Variants in ERICH5 observed in about 807,000 individuals in gnomAD.
The protein encoded by ERICH5 is glutamate rich 5.
A neutral mutation model predicts 28.0 loss-of-function variants in ERICH5; 24 were observed. That is an observed-to-expected ratio of 0.86 (90% CI 0.62 to 1.21). The LOEUF is 1.21. Among genes scored for constraint, ERICH5 ranks in the 50% most tolerant of loss-of-function variants. The pLI is 0.00. For missense variants in ERICH5, 421 were observed against 441.2 expected (o/e 0.95, Z 0.41); for synonymous variants, 163 against 157.6 (o/e 1.03, Z -0.25).
intron 1 of ERICH5, among the ~76,000 whole-genome samples, chr8:98,071,915 ATTT>A (rs5893447): frequency 6.8e-6 from 1 of 146,750 alleles, no homozygotes; most frequent in Non-Finnish European, 1.5e-5. Flanking sequence ...GTTTTATTTT[ATTT>A]TTTTTTTTTG....
chr8:98,067,454 T>C (rs1188453706), intron 1 of ERICH5, among the ~76,000 whole-genome samples: 3 of 144,544 alleles, frequency 2.1e-5, no homozygotes, highest in Non-Finnish European at 4.5e-5. Context: ...TGAGACTCAA[T>C]TAAAAAAAAA....
intron 1 of ERICH5, among the ~76,000 whole-genome samples, chr8:98,075,663 A>G (rs548120302): frequency 1.3e-5 from 2 of 152,220 alleles, no homozygotes; most frequent in South Asian, 2.1e-4. Context: ...CAGGGTGCAC[A>G]GAGCCCCCAC....
intron 1 of ERICH5, among the ~76,000 whole-genome samples, chr8:98,075,042 C>T (rs965437267): frequency 6.6e-6 from 1 of 152,050 alleles, no homozygotes; most frequent in African/African-American, 2.4e-5. Flanking sequence ...GATTCCTCAA[C>T]TGGAATTTGT....
chr8:98,083,868 C>T (rs1008498528), intron 1 of ERICH5, among the ~76,000 whole-genome samples: 4 of 152,052 alleles, frequency 2.6e-5, no homozygotes, highest in African/African-American at 9.7e-5. Context: ...ATCCATCTAT[C>T]CCTCTTCCCA....
intron 1 of ERICH5, among the ~76,000 whole-genome samples, chr8:98,083,409 T>C (rs745394834): frequency 2.0e-5 from 3 of 152,172 alleles, no homozygotes; most frequent in Non-Finnish European, 2.9e-5. Context: ...TTACTTGCAA[T>C]TAATTTGAAG....
chr8:98,089,472 T>C lies in ERICH5; in HGVS notation c.455T>C (p.Leu152Ser). ...SLKGNAEAQP[L>S]GPEAKGQPLQ... ...AAAGGAAATGCTGAAGCTCAGCCTT[T>C]AGGACCAGAAGCCAAGGGTCAGCCT... Residue 152 changes from leucine (L) to serine (S), a missense_variant, in exon 2 of 3, where the codon TTA becomes TCA. By Grantham distance (145) the Leu-to-Ser change is moderately radical. Coordinates refer to ENST00000318528, the MANE Select transcript of ERICH5 (RefSeq NM_173549.3). 2 of 1,614,198 alleles carry C rather than the reference T, an allele frequency of 1.2e-6. No homozygotes were observed. Among genetic ancestry groups the C allele is most frequent in the Non-Finnish European group, 1.7e-6 (2 of 1,180,036 alleles).
chr8:98,086,905 C>G (rs188590421), intron 1 of ERICH5, among the ~76,000 whole-genome samples: 3 of 148,160 alleles, frequency 2.0e-5, no homozygotes, highest in African/African-American at 7.5e-5. Context: ...GAGCCGAGAT[C>G]GCGCCACCAC....
intron 1 of ERICH5, among the ~76,000 whole-genome samples, chr8:98,084,747 C>A (rs866686125): frequency 1.3e-5 from 2 of 151,980 alleles, no homozygotes; most frequent in South Asian, 4.2e-4. Flanking sequence ...TTTTAGTTAT[C>A]TTTTATTTTT....
intron 1 of ERICH5, among the ~76,000 whole-genome samples, chr8:98,079,166 C>CTTTTTTTTTTTTT (rs528062932): frequency 5.3e-5 from 4 of 75,572 alleles, no homozygotes; most frequent in East Asian, 3.3e-4. Flanking sequence ...TTTTTTTTTC[C>CTTTTTTTTTTTTT]TTTTTTTTTT....
chr8:98,089,427 G>A lies in ERICH5; in HGVS notation c.410G>A (p.Gly137Glu), dbSNP rs752928685. Residue 137 changes from glycine (G) to glutamate (E), a missense_variant, in exon 2 of 3, where the codon GGG becomes GAG. Coordinates refer to ENST00000318528, the MANE Select transcript of ERICH5 (RefSeq NM_173549.3). ...AEGKKKDAGA[G>E]TEAESLKGNA... ...GGAAAGAAGAAAGATGCAGGAGCAG[G>A]GACAGAGGCCGAGTCTCTAAAAGGA... 2.2e-5 allele frequency: 35 copies of A among 1,614,108 alleles called. No individual in the cohort carries two copies. In the South Asian group the frequency reaches 3.4e-4, roughly 16 times the overall value.
chr8:98,080,998 C>G (rs1815174137), intron 1 of ERICH5, among the ~76,000 whole-genome samples: 1 of 152,090 alleles, frequency 6.6e-6, no homozygotes, highest in African/African-American at 2.4e-5. Flanking sequence ...CCACTGTGCC[C>G]AGCCTAATCT....
At chr8:98,073,438 A>C (rs966582924) in intron 1 of ERICH5, among the ~76,000 whole-genome samples, 8,224 of 18,908 alleles carry the variant, frequency 0.43, 2,444 homozygotes, top group African/African-American at 0.59. Flanking sequence ...CTCTCTATAT[A>C]TATATATATA....
chr8:98,091,970 T>A (rs1563759764), intron 2 of ERICH5, among the ~76,000 whole-genome samples: 1 of 29,498 alleles, frequency 3.4e-5, no homozygotes, highest in Non-Finnish European at 8.2e-5. Context: ...CTTTTTTCTT[T>A]CTTTTTCTTC....
At chr8:98,085,748 C>T (rs547324300) in intron 1 of ERICH5, among the ~76,000 whole-genome samples, 47 of 152,344 alleles carry the variant, frequency 3.1e-4, no homozygotes, top group African/African-American at 5.3e-4. Context: ...CATGACCTGG[C>T]TTCTGCGCCA....
chr8:98,077,258 G>A (rs1815073702), intron 1 of ERICH5, among the ~76,000 whole-genome samples: 1 of 152,178 alleles, frequency 6.6e-6, no homozygotes, highest in Non-Finnish European at 1.5e-5. Context: ...TCCCAGAGGA[G>A]CATGGTGGCA....
Position 98,091,830 on chromosome 8 carries a change from T to TTC in ERICH5, c.1013-1390_1013-1389insCT, listed in dbSNP as rs199792064. Among the ~76,000 whole-genome samples the TTC allele has an allele frequency of 4.8e-4, 71 of 146,964 alleles. 1 individual carries two copies. Among genetic ancestry groups the TTC allele is most frequent in the Non-Finnish European group, 7.2e-4 (48 of 66,232 alleles). ...CAAATTAGACTTTCTTTTTCTTTCT[T>TTC]TTTCTTTTTCTTTCTTTCTTTCTTT... On this transcript the variant is annotated intron_variant, in intron 2 of 2. Coordinates refer to ENST00000318528, the MANE Select transcript of ERICH5 (RefSeq NM_173549.3).
At chr8:98,065,154 C>G (rs1467052708) in intron 1 of ERICH5, among the ~76,000 whole-genome samples, 2 of 152,170 alleles carry the variant, frequency 1.3e-5, no homozygotes, top group African/African-American at 4.8e-5. Flanking sequence ...GAGGCTGAGG[C>G]GGGACGATCT....
In ERICH5 at chr8:98,064,741, C is replaced by A; in HGVS notation, c.58+14C>A. 6.6e-7 allele frequency: 1 copy of A among 1,523,874 alleles called. No individual in the cohort carries two copies. Among genetic ancestry groups the A allele is most frequent in the South Asian group, 1.2e-5 (1 of 82,734 alleles). 94.4% of individuals were successfully genotyped at this position (1,523,874 alleles called of 1,614,324 possible). A position where few individuals can be genotyped will look rare whatever the true frequency, so the allele number is the denominator to read the frequency against. On this transcript the variant is annotated intron_variant, in intron 1 of 2. Transcript: ENST00000318528. ...GGTTCCCCAGCGGTGAGCAGGGTAC[C>A]GGCGCCGCCCGCGCCCGGGCTGGGG...
intron 2 of ERICH5, among the ~76,000 whole-genome samples, chr8:98,091,931 TTCTTC>T (rs1266864525): frequency 1.6e-5 from 1 of 62,670 alleles, no homozygotes; most frequent in Non-Finnish European, 3.3e-5. Context: ...CTTTCTTTCT[TTCTTC>T]CTTTCTTTCT....
Sources: gnomAD v4.1 joint callset for allele counts (sites outside exome capture counted in the v4.1 genomes callset) on GRCh38, gnomAD v4.1.1 for gene constraint, MANE v1.5 for transcripts, NCBI Gene and HGNC (gene_info 2026-07-23, HGNC 2026-07-21) for gene names.